The following ASH1L variants were observed in gnomAD, a reference collection of about 807,000 sequenced individuals.
ASH1L encodes ASH1 like histone lysine methyltransferase, also known as histone-lysine N-methyltransferase ASH1L.
A neutral mutation model predicts 269.0 loss-of-function variants in ASH1L; 23 were observed. The observed-to-expected ratio is 0.09, with a 90% CI of 0.06 to 0.12. The LOEUF (loss-of-function observed/expected upper bound fraction) is 0.12, where lower values mean the gene tolerates loss of function less well. Ranked by LOEUF, ASH1L falls within the 10% of genes least tolerant of loss-of-function variation. The pLI is 1.00. For missense variants in ASH1L, 2,912 were observed against 3,567.8 expected, an observed-to-expected ratio of 0.82 and a Z score of 4.68; for synonymous variants, 1,187 against 1,253.5, an observed-to-expected ratio of 0.95 and a Z score of 1.12.
intron 8 of ASH1L, among the ~76,000 whole-genome samples, chr1:155,378,931 T>G (rs1255059923): frequency 4.6e-5 from 7 of 152,176 alleles, no homozygotes; most frequent in Non-Finnish European, 1.0e-4. Context: ...TACTTAGATG[T>G]CTGGGTGGGT....
chr1:155,338,258 C>T lies in ASH1L; in HGVS notation c.8634G>A (p.Glu2878=), dbSNP rs1652485180. 1 of 1,613,902 alleles carries T rather than the reference C, an allele frequency of 6.2e-7. No homozygotes were observed. ...QAANEIPSLE[E]PEREGATANV... Reference sequence around the variant, plus strand: ...TAGCAGTGGCCCCTTCCCGTTCTGGCTCCTCCAGGCTGGGTATCTCATTGG... The same window carrying T: ...TAGCAGTGGCCCCTTCCCGTTCTGGTTCCTCCAGGCTGGGTATCTCATTGG... Residue 2878 remains glutamate, a synonymous_variant, in exon 27 of 28, where the codon GAG becomes GAA. Coordinates refer to ENST00000392403, the MANE Select transcript of ASH1L (RefSeq NM_018489.3).
At chr1:155,355,422 T>C (rs1570979262) in intron 15 of ASH1L, among the ~76,000 whole-genome samples, 1 of 152,246 alleles carries the variant, frequency 6.6e-6, no homozygotes, top group Admixed American at 6.5e-5. Context: ...GATGATTCCA[T>C]TATTCAATTT....
intron 6 of ASH1L, among the ~76,000 whole-genome samples, chr1:155,402,258 T>C (rs1658921974): frequency 6.6e-6 from 1 of 152,164 alleles, no homozygotes; most frequent in Non-Finnish European, 1.5e-5. Flanking sequence ...ATAAACAATA[T>C]GGCAACTTTT....
intron 2 of ASH1L, among the ~76,000 whole-genome samples, chr1:155,514,845 C>T: frequency 6.6e-6 from 1 of 151,946 alleles, no homozygotes; most frequent in South Asian, 2.1e-4. Context: ...GAGAAGTTGC[C>T]GAGGAACTCG....
At chr1:155,502,689 G>A (rs981831537) in intron 2 of ASH1L, among the ~76,000 whole-genome samples, 4 of 152,166 alleles carry the variant, frequency 2.6e-5, no homozygotes, top group African/African-American at 9.7e-5. Flanking sequence ...TCCTAGAAAG[G>A]TTCAGGGAAC....
Position 155,438,365 on chromosome 1 carries a change from C to T in ASH1L, c.5790G>A (p.Lys1930=). The T allele has an allele frequency of 6.3e-7, 1 of 1,590,504 alleles. No homozygotes were observed. The highest frequency in any genetic ancestry group is 8.5e-7 in the Non-Finnish European group (1 of 1,171,706). The change falls in exon 5 of 28, where the codon AAG becomes AAA. Residue 1930 remains lysine (K), a synonymous_variant. Transcript: ENST00000392403. ...CTTGCTCTTCTTCCTCTGGTAATGG[C>T]TTCTGCTTTTTTCTGGTCTGTTCTT... ...LLEEQTRKKQ[K]PLPEEEEQEN...
At chr1:155,350,128 T>C (rs1653762774) in intron 17 of ASH1L, among the ~76,000 whole-genome samples, 1 of 151,704 alleles carries the variant, frequency 6.6e-6, no homozygotes, top group Non-Finnish European at 1.5e-5. Context: ...CCTCGTGATC[T>C]GCCCGCCTCA....
chr1:155,342,724 A>T (rs933195964), intron 24 of ASH1L, among the ~76,000 whole-genome samples: 2 of 152,232 alleles, frequency 1.3e-5, no homozygotes, highest in African/African-American at 4.8e-5. Context: ...CTTATTTTCA[A>T]TGGGAAACTG....
At chr1:155,562,973 G>A (rs982740354), upstream of ASH1L, 2 of 457,330 alleles carry the variant, frequency 4.4e-6, no homozygotes, top group Non-Finnish European at 8.8e-6. Flanking sequence ...CATTCCTGTC[G>A]GCTGCAGGGG....
intron 21 of ASH1L, chr1:155,344,515 C>A (rs541793625): frequency 8.0e-6 from 3 of 373,126 alleles, no homozygotes; most frequent in East Asian, 9.3e-5. Context: ...AGTTGCTCTA[C>A]GTAATCTAGG....
At chr1:155,419,111 TA>T (rs1182748261) in intron 5 of ASH1L, among the ~76,000 whole-genome samples, 1 of 149,002 alleles carries the variant, frequency 6.7e-6, no homozygotes, top group Non-Finnish European at 1.5e-5. Context: ...ACACACGTTA[TA>T]AAAAGGGGCC....
At chr1:155,384,198 T>C (rs548491967) in intron 7 of ASH1L, among the ~76,000 whole-genome samples, 8 of 152,232 alleles carry the variant, frequency 5.3e-5, no homozygotes, top group Non-Finnish European at 7.3e-5. Flanking sequence ...TTGTTTCCTT[T>C]CTGTTCACAG....
rs757766035 is a variant in ASH1L at position 155,343,782 on chromosome 1, C to A, written c.7982-40G>T. The A allele has an allele frequency of 2.5e-6, 4 of 1,605,728 alleles. No homozygotes were observed. Among genetic ancestry groups the A allele is most frequent in the Non-Finnish European group, 3.4e-6 (4 of 1,176,054 alleles). On this transcript the variant is annotated intron_variant, in intron 22 of 27. Transcript: ENST00000392403. This position sits in a 1 kb window ranked among gnomAD's most constrained non-coding sequence, Gnocchi z 6.1. ...AACACAGAAGAAACATAAAACAATT[C>A]TTGTATGAATTCTGTTAGGCATCTG...
At chr1:155,551,410 C>T (rs1015817376) in intron 1 of ASH1L, among the ~76,000 whole-genome samples, 1 of 152,086 alleles carries the variant, frequency 6.6e-6, no homozygotes, top group Non-Finnish European at 1.5e-5. Context: ...CCTGTAATCC[C>T]AGCACTTTGG....
chr1:155,384,059 A>C (rs935035652), intron 7 of ASH1L, among the ~76,000 whole-genome samples: 1 of 152,228 alleles, frequency 6.6e-6, no homozygotes, highest in African/African-American at 2.4e-5. Context: ...GCAGTGTTAA[A>C]ACTTTTTGCT....
intron 10 of ASH1L, 45 bp from the exon 11 acceptor site, chr1:155,371,028 A>G (rs748294355): frequency 4.6e-6 from 7 of 1,514,790 alleles, no homozygotes; most frequent in East Asian, 2.3e-5. Flanking sequence ...CATGATACAT[A>G]CCTTGATGCA....
intron 4 of ASH1L, among the ~76,000 whole-genome samples, chr1:155,458,513 G>A (rs769692232): frequency 1.3e-5 from 2 of 152,282 alleles, no homozygotes. Flanking sequence ...TCAGGAGTTC[G>A]AGACCAGCCT....
intron 4 of ASH1L, among the ~76,000 whole-genome samples, chr1:155,439,967 T>A (rs924325771): frequency 2.6e-5 from 4 of 151,834 alleles, no homozygotes; most frequent in Non-Finnish European, 4.4e-5. Flanking sequence ...CTTTTTTTTT[T>A]ATTTTATCAT....
chr1:155,473,528 T>C (rs1014913086), intron 3 of ASH1L, among the ~76,000 whole-genome samples: 1 of 150,210 alleles, frequency 6.7e-6, no homozygotes, highest in Admixed American at 6.6e-5. Flanking sequence ...AGTATCACTC[T>C]GCCAGCCCAG....
Sources: gnomAD v4.1 joint callset for allele counts (sites outside exome capture counted in the v4.1 genomes callset) on GRCh38, gnomAD v4.1.1 for gene constraint, Gnocchi (gnomAD v3.1) non-coding constraint, MANE v1.5 for transcripts, NCBI Gene and HGNC (gene_info 2026-07-23, HGNC 2026-07-21) for gene names.